The following MCMBP variants were observed in gnomAD, a reference collection of about 807,000 sequenced individuals.
The protein encoded by MCMBP is minichromosome maintenance complex binding protein, also known as mini-chromosome maintenance complex-binding protein.
A neutral mutation model predicts 81.3 loss-of-function variants in MCMBP; 31 were observed. The observed-to-expected ratio is 0.38, with a 90% CI of 0.29 to 0.51. MCMBP has a LOEUF of 0.51. Ranked by LOEUF, MCMBP falls within the 20% of genes least tolerant of loss-of-function variation. MCMBP has a pLI of 0.87. For synonymous variants in MCMBP, 267 were observed against 275.9 expected (o/e 0.97, Z 0.32); for missense variants, 645 against 772.1 (o/e 0.84, Z 1.95).
At chr10:119,838,195 AC>A (rs1852313532) in intron 12 of MCMBP, among the ~76,000 whole-genome samples, 1 of 149,714 alleles carries the variant, frequency 6.7e-6, no homozygotes, top group Non-Finnish European at 1.5e-5. Flanking sequence ...TACTAATACT[AC>A]CCTTTATATT....
intron 4 of MCMBP, chr10:119,858,268 CAT>C (rs1036910169): frequency 6.6e-6 from 1 of 152,204 alleles, no homozygotes; most frequent in Admixed American, 6.6e-5. Context: ...AGTTGGTACA[CAT>C]GTTGCTCAAG....
chr10:119,852,906 G>A, intron 6 of MCMBP, 144 bp downstream of exon 6: 1 of 955,568 alleles, frequency 1.0e-6, no homozygotes, highest in Non-Finnish European at 1.6e-6. Context: ...TCTCATCAGA[G>A]TACTGTAAAA....
chr10:119,839,703 T>C (rs1852367762), intron 11 of MCMBP, among the ~76,000 whole-genome samples: 1 of 152,246 alleles, frequency 6.6e-6, no homozygotes, highest in African/African-American at 2.4e-5. Flanking sequence ...AATTTTACCA[T>C]AGCAGACTAT....
chr10:119,843,688 G>A (rs1286361169), intron 8 of MCMBP, among the ~76,000 whole-genome samples: 1 of 151,502 alleles, frequency 6.6e-6, no homozygotes, highest in East Asian at 1.9e-4. Flanking sequence ...TTTGGATGGA[G>A]TCTCACTGTG....
intron 1 of MCMBP, among the ~76,000 whole-genome samples, chr10:119,864,246 T>C (rs555484373): frequency 6.6e-6 from 1 of 152,368 alleles, no homozygotes; most frequent in African/African-American, 2.4e-5. Context: ...CAATTTGATT[T>C]TATCCCAGTA....
At chr10:119,831,914 T>C in intron 15 of MCMBP, 98 bp downstream of exon 15, 3 of 1,259,338 alleles carry the variant, frequency 2.4e-6, no homozygotes, top group Non-Finnish European at 3.3e-6. Context: ...GAAAAGTTCA[T>C]TTCCGTTTTT....
intron 5 of MCMBP, among the ~76,000 whole-genome samples, chr10:119,856,553 GAA>G (rs975680226): frequency 3.9e-5 from 6 of 152,140 alleles, no homozygotes; most frequent in Admixed American, 1.3e-4. Flanking sequence ...GTAGTGACTA[GAA>G]AAAGGCAGAA....
In MCMBP at chr10:119,832,013, G is replaced by C; in HGVS notation, c.1795C>G (p.Arg599Gly). The change falls in exon 15 of 16, where the codon CGG becomes GGG. Residue 599 changes from arginine to glycine, a missense_variant and splice_region_variant. Physicochemically the swap from Arg to Gly is moderately radical, Grantham distance 125. Coordinates refer to ENST00000369077, the MANE Select transcript of MCMBP (RefSeq NM_001256378.2). The part of the protein sequence containing the change: ...DDLHQLLVVA[R>G]CLSLSAGQTT... ...CAATAATGGACGTGCGCCACTTACC[G>C]AGCCACCACGAGCAGCTGGTGAAGA... 1 of 1,608,786 alleles carries C rather than the reference G, an allele frequency of 6.2e-7. No homozygotes were observed. The highest frequency in any genetic ancestry group is 8.5e-7 in the Non-Finnish European group (1 of 1,178,108).
chr10:119,847,771 A>C, intron 7 of MCMBP, 58 bp from the exon 8 acceptor site: 1 of 944,912 alleles, frequency 1.1e-6, no homozygotes, highest in Non-Finnish European at 1.7e-6. Flanking sequence ...TTAAGATATT[A>C]GTCTTGAAGT....
chr10:119,868,877 G>A (rs933858700), intron 1 of MCMBP, among the ~76,000 whole-genome samples: 1 of 152,130 alleles, frequency 6.6e-6, no homozygotes, highest in African/African-American at 2.4e-5. Flanking sequence ...TTAAAGAACT[G>A]AAAAAAGGTT....
chr10:119,835,675 C>G lies in MCMBP; in HGVS notation c.1572G>C (p.Gln524His), dbSNP rs753284665. ...ACTCCTCCATGTTTGGTGGAATTAG[C>G]TGGGGCTGTAAGTGAATCTGGCAGT... ...PADCQIHLQPQLIPPNMEEYM... is the reference protein window; with the variant it reads ...PADCQIHLQPHLIPPNMEEYM... The change falls in exon 14 of 16, where the codon CAG becomes CAC. Residue 524 changes from glutamine (Q) to histidine (H), a missense_variant. Transcript: ENST00000369077. 2 of 1,614,124 alleles carry G rather than the reference C, an allele frequency of 1.2e-6. No homozygotes were observed. Among genetic ancestry groups the G allele is most frequent in the African/African-American group, 2.7e-5 (2 of 74,948 alleles).
Position 119,843,360 on chromosome 10 carries a change from A to C in MCMBP, c.894T>G (p.Ser298Arg), listed in dbSNP as rs761530314. 4 of 1,614,070 alleles carry C rather than the reference A, an allele frequency of 2.5e-6. No individual in the cohort carries two copies. The Admixed American group carries it at 5.0e-5, about 20-fold the overall frequency. Residue 298 changes from serine (S) to arginine (R), a missense_variant, in exon 9 of 16, where the codon AGT (serine) becomes AGG (arginine). By Grantham distance (110) the Ser-to-Arg change is moderately radical. Coordinates refer to ENST00000369077, the MANE Select transcript of MCMBP (RefSeq NM_001256378.2). ...TTCTCGGCACTAATGAAGCAGGAGGACTGTGTACTCTCTGCTCCTCTGCTG... is the reference window on the plus strand; with the variant it reads ...TTCTCGGCACTAATGAAGCAGGAGGCCTGTGTACTCTCTGCTCCTCTGCTG... ...TDTAEEQRVH[S>R]PPASLVPRIH... is the part of the protein sequence containing the mutation.
chr10:119,845,808 A>G (rs1852597243), intron 8 of MCMBP, among the ~76,000 whole-genome samples: 1 of 152,206 alleles, frequency 6.6e-6, no homozygotes, highest in Admixed American at 6.5e-5. Flanking sequence ...CCTTCTGTAT[A>G]TGGTAGAAAT....
Position 119,831,383 on chromosome 10 carries a change from T to C in MCMBP, c.*91A>G. The C allele has an allele frequency of 6.8e-7, 1 of 1,475,664 alleles. No individual in the cohort carries two copies. The highest frequency in any genetic ancestry group is 9.3e-7 in the Non-Finnish European group (1 of 1,080,310). 91.4% of individuals were successfully genotyped at this position (1,475,664 alleles called of 1,614,324 possible). ...AATGTCACTGGTTTGTGATAGAAATTACCTATAAAACAATGTGGTATAAAT... is the reference window on the plus strand; with the variant it reads ...AATGTCACTGGTTTGTGATAGAAATCACCTATAAAACAATGTGGTATAAAT... On this transcript the variant is annotated 3_prime_UTR_variant, in exon 16 of 16. Transcript: ENST00000369077.
chr10:119,854,506 C>CAGCCTGGGCAACAAAGGGAGAG (rs1564881462), intron 5 of MCMBP, among the ~76,000 whole-genome samples: 1 of 148,254 alleles, frequency 6.7e-6, no homozygotes, highest in Non-Finnish European at 1.5e-5. Flanking sequence ...AGTTCGAGAC[C>CAGCCTGGGCAACAAAGGGAGAG]AGCCTGGGCA....
intron 4 of MCMBP, 87 bp downstream of exon 4, chr10:119,858,797 T>TA: frequency 1.0e-6 from 1 of 992,498 alleles, no homozygotes; most frequent in Non-Finnish European, 1.5e-6. Flanking sequence ...ATACACAAGA[T>TA]AAATAAATTT....
chr10:119,837,093 T>C lies in MCMBP; in HGVS notation c.1409-64A>G, dbSNP rs1346257492. On this transcript the variant is annotated intron_variant, in intron 12 of 15. Coordinates refer to ENST00000369077, the MANE Select transcript of MCMBP (RefSeq NM_001256378.2). ...AATCATCTAAACACATCAGTTTTGC[T>C]GACACCGATGATGAGCCATGAAGTT... 4.6e-6 allele frequency: 7 copies of C among 1,522,510 alleles called. No individual in the cohort carries two copies. The East Asian group carries it at 1.6e-4, about 35-fold the overall frequency. 94.3% of individuals were successfully genotyped at this position (1,522,510 alleles called of 1,614,324 possible). A position where few individuals can be genotyped will look rare whatever the true frequency, so the allele number is the denominator to read the frequency against.
rs145144288 is a variant in MCMBP at position 119,847,375 on chromosome 10, T to G, written c.827+238A>C. ...AGAAAGTCAGTACTCTTAGGAAATG[T>G]TGACAAGCAGTTAGGGGTAAAAGGG... On this transcript the variant is annotated intron_variant, in intron 8 of 15. Coordinates refer to ENST00000369077, the MANE Select transcript of MCMBP (RefSeq NM_001256378.2). 8.3e-3 allele frequency among the ~76,000 whole-genome samples: 1,259 copies of G among 152,296 alleles called. 15 individuals are homozygous for G. Among genetic ancestry groups the G allele is most frequent in the Non-Finnish European group, 7.7e-3 (521 of 68,030 alleles).
At chr10:119,841,577 G>A (rs1375011238) in intron 10 of MCMBP, among the ~76,000 whole-genome samples, 9 of 152,184 alleles carry the variant, frequency 5.9e-5, no homozygotes, top group East Asian at 5.8e-4. Context: ...AACAAGACAC[G>A]CATCTGTGCT....
Sources: allele counts gnomAD v4.1 joint callset (sites outside exome capture counted in the v4.1 genomes callset), GRCh38; gene constraint gnomAD v4.1.1; transcripts MANE v1.5; gene names NCBI Gene and HGNC (gene_info 2026-07-23, HGNC 2026-07-21).